Variants in SGSM2 observed in about 807,000 individuals in gnomAD.
SGSM2 encodes small G protein signaling modulator 2.
Under a neutral mutation model 126.6 loss-of-function variants are expected in SGSM2, and 89 were observed. That is an observed-to-expected ratio of 0.70 (90% CI 0.59 to 0.84). The LOEUF (loss-of-function observed/expected upper bound fraction) is 0.84. Ranked by LOEUF, SGSM2 falls within the 40% of genes least tolerant of loss-of-function variation. The pLI is 0.00. For synonymous variants in SGSM2, 614 were observed against 574.3 expected (o/e 1.07, Z -0.99); for missense variants, 1,404 against 1,416.6 (o/e 0.99, Z 0.14).
At position 2,367,373 on chromosome 17, in the gene SGSM2, C is replaced by T. The variant is rs535344678; in HGVS notation, c.1391C>T (p.Ser464Leu). The T allele has an allele frequency of 7.4e-6, 12 of 1,614,128 alleles. No homozygotes were observed. In the East Asian group the frequency reaches 8.9e-5, roughly 12 times the overall value. ...CACGCGATGCTCTCAATGATCTGCT[C>T]GCGGAACCTCACAGCTCCCAATCCG... ...KLHAMLSMIC[S>L]RNLTAPNPMK... is the part of the protein sequence containing the mutation. Residue 464 changes from serine to leucine, a missense_variant, in exon 12 of 24, where the codon TCG (serine) becomes TTG (leucine). By Grantham distance (145) the Ser-to-Leu change is moderately radical (BLOSUM62 -2). Transcript: ENST00000268989. The surrounding 1 kb of genome is among the most constrained non-coding windows in gnomAD (Gnocchi z 4.0).
At chr17:2,360,203 A>G (rs2065254747) in intron 2 of SGSM2, among the ~76,000 whole-genome samples, 1 of 152,130 alleles carries the variant, frequency 6.6e-6, no homozygotes, top group Non-Finnish European at 1.5e-5. Context: ...TTAGCTGGGC[A>G]TGGTGGTGTG....
chr17:2,365,725 G>A (rs1434109914), intron 11 of SGSM2, among the ~76,000 whole-genome samples: 1 of 151,802 alleles, frequency 6.6e-6, no homozygotes, highest in East Asian at 1.9e-4. Context: ...AGACAGCCTG[G>A]GTATGGGACC....
rs1288422212 is a variant in SGSM2, at chr17:2,372,958, C to T, written c.1794C>T (p.Tyr598=). The T allele has an allele frequency of 1.3e-6, 2 of 1,564,252 alleles. No homozygotes were observed. The highest frequency in any genetic ancestry group is 1.9e-5 in the Admixed American group (1 of 52,668). ...WSKYQKDKKN[Y]KELELLRQVY... The stretch of plus-strand genomic sequence containing the variant: ...TGACTCCCCGGGTCCCTCAGAACTA[C>T]AAAGAGCTGGAGCTGCTGCGGCAAG... The change falls in exon 16 of 24, where the codon TAC becomes TAT. Residue 598 remains tyrosine, a synonymous_variant. Coordinates refer to ENST00000268989, the MANE Select transcript of SGSM2 (RefSeq NM_014853.3). This position sits in a 1 kb window ranked among gnomAD's most constrained non-coding sequence, Gnocchi z 6.0.
At chr17:2,370,772 G>A (rs558048674) in intron 12 of SGSM2, among the ~76,000 whole-genome samples, 2 of 152,212 alleles carry the variant, frequency 1.3e-5, no homozygotes, top group African/African-American at 2.4e-5. Flanking sequence ...TTCCTCGGGG[G>A]CTTTGAACAG....
In SGSM2 at chr17:2,363,066, G is replaced by T. The variant is rs1597357038; in HGVS notation, c.604G>T (p.Val202Phe). The T allele has an allele frequency of 6.2e-7, 1 of 1,613,862 alleles. No homozygotes were observed. The highest frequency in any genetic ancestry group is 8.5e-7 in the Non-Finnish European group (1 of 1,180,026). Reference sequence around the variant, plus strand: ...GACTGACCCCTCTGCTGATGAGCTGGTCCAGCGGCACCGCATCCGGGGTCC... The same window carrying T: ...GACTGACCCCTCTGCTGATGAGCTGTTCCAGCGGCACCGCATCCGGGGTCC... ...YWTDPSADEL[V>F]QRHRIRGPPT... Residue 202 changes from valine to phenylalanine, a missense_variant, in exon 6 of 24, where the codon GTC becomes TTC. Coordinates refer to ENST00000268989, the MANE Select transcript of SGSM2 (RefSeq NM_014853.3). This position sits in a 1 kb window ranked among gnomAD's most constrained non-coding sequence, Gnocchi z 4.2.
rs1157623638 is a variant in SGSM2, at chr17:2,377,921, G to T, written c.2867G>T (p.Cys956Phe). 1 of 1,612,782 alleles carries T rather than the reference G, an allele frequency of 6.2e-7. No homozygotes were observed. Among genetic ancestry groups the T allele is most frequent in the South Asian group, 1.1e-5 (1 of 91,070 alleles). Residue 956 changes from cysteine to phenylalanine, a missense_variant, in exon 22 of 24, where the codon TGT (cysteine) becomes TTT (phenylalanine). Coordinates refer to ENST00000268989, the MANE Select transcript of SGSM2 (RefSeq NM_014853.3). ...QNGDYTHFYF[C>F]YRWFLLDFKR... Reference sequence around the variant, plus strand: ...GGAGACTACACCCACTTCTACTTCTGTTATCGCTGGTTCCTGCTGGATTTT... The same window carrying T: ...GGAGACTACACCCACTTCTACTTCTTTTATCGCTGGTTCCTGCTGGATTTT...
In SGSM2 at chr17:2,378,990, G is replaced by A. The variant is rs750279624; in HGVS notation, c.2900-46G>A. On this transcript the variant is annotated intron_variant, in intron 22 of 23. Transcript: ENST00000268989. ...AGCCTCAATCCCAGCCTCAGCCCCA[G>A]ATATGCGGCTAGGACGGGTGAGCAG... 12 of 1,580,634 alleles carry A rather than the reference G, an allele frequency of 7.6e-6. No individual in the cohort carries two copies. In the South Asian group the frequency reaches 9.1e-5, roughly 12 times the overall value.
chr17:2,377,816 G>C (rs1267145763), intron 21 of SGSM2, 41 bp from the exon 22 acceptor site: 9 of 1,360,282 alleles, frequency 6.6e-6, no homozygotes, highest in Non-Finnish European at 9.4e-6. Context: ...GGCAGCATCG[G>C]CTCAGGGCTC....
rs1436067175 is a variant in SGSM2, at chr17:2,373,340, G to A, written c.1927G>A (p.Val643Met). Residue 643 changes from valine (V) to methionine (M), a missense_variant, in exon 17 of 24, where the codon GTG becomes ATG. Coordinates refer to ENST00000268989, the MANE Select transcript of SGSM2 (RefSeq NM_014853.3). Reference sequence around the variant, plus strand: ...TGTGGTCTGAGTACAGGTGGACGCAGTGGTGGCAGCAAGGTACCAGCAGGT... The same window carrying A: ...TGTGGTCTGAGTACAGGTGGACGCAATGGTGGCAGCAAGGTACCAGCAGGT... ...SKKEMEQVDA[V>M]VAARYQQVLA... is the part of the protein sequence containing the mutation. 6.2e-7 allele frequency: 1 copy of A among 1,612,508 alleles called. No individual in the cohort carries two copies. The highest frequency in any genetic ancestry group is 2.2e-5 in the East Asian group (1 of 44,812).
rs370114544 is a variant in SGSM2 at position 2,372,232 on chromosome 17, C to T, written c.1620C>T (p.Ile540=). Residue 540 remains isoleucine (I), a synonymous_variant, in exon 14 of 24, where the codon ATC becomes ATT. Coordinates refer to ENST00000268989, the MANE Select transcript of SGSM2 (RefSeq NM_014853.3). This position sits in a 1 kb window ranked among gnomAD's most constrained non-coding sequence, Gnocchi z 6.0. ...TGTGTGAGAGTATGAAGAGGCAGAT[C>T]GTGTCCCGGGCCTTCTACGGCTGTG... The part of the protein sequence containing the change: ...RLLCESMKRQ[I]VSRAFYGWLA... The T allele has an allele frequency of 4.5e-5, 73 of 1,613,082 alleles. No individual in the cohort carries two copies. The highest frequency in any genetic ancestry group is 3.3e-4 in the South Asian group (30 of 91,088).
At chr17:2,374,553 G>C (rs2066035448) in intron 17 of SGSM2, 1 of 152,014 alleles carries the variant, frequency 6.6e-6, no homozygotes, top group Non-Finnish European at 1.5e-5. Flanking sequence ...CTCTAGCCTG[G>C]GCCATAGAGT....
intron 17 of SGSM2, chr17:2,374,195 C>T (rs1180423384): frequency 6.6e-6 from 1 of 152,222 alleles, no homozygotes; most frequent in Non-Finnish European, 1.5e-5. Context: ...ATTAATTTTT[C>T]TTTAAAATTG....
intron 2 of SGSM2, 98 bp downstream of exon 2, chr17:2,343,718 A>C: frequency 6.8e-6 from 7 of 1,028,882 alleles, no homozygotes; most frequent in South Asian, 1.4e-5. Context: ...AGTAGCTCTC[A>C]AATCTGGCTG....
In SGSM2 at chr17:2,362,135, C is replaced by T; in HGVS notation, c.323C>T (p.Ala108Val). 1 of 1,613,360 alleles carries T rather than the reference C, an allele frequency of 6.2e-7. No individual in the cohort carries two copies. Among genetic ancestry groups the T allele is most frequent in the Non-Finnish European group, 8.5e-7 (1 of 1,179,844 alleles). Residue 108 changes from alanine to valine, a missense_variant, in exon 4 of 24, where the codon GCC (alanine) becomes GTC (valine). Transcript: ENST00000268989. This position sits in a 1 kb window ranked among gnomAD's most constrained non-coding sequence, Gnocchi z 4.9. ...GRKPSGVSQE[A>V]LRRQGSASGK... ...AAACCCTCAGGGGTCAGCCAGGAGG[C>T]CCTGCGGAGACAGGGCTCAGCCAGC...
At chr17:2,369,415 CCT>C (rs1034684621) in intron 12 of SGSM2, among the ~76,000 whole-genome samples, 1 of 152,140 alleles carries the variant, frequency 6.6e-6, no homozygotes. Context: ...GTTCGCCCAC[CCT>C]GTTTTCTTGC....
chr17:2,370,369 G>A (rs2065811657), intron 12 of SGSM2, among the ~76,000 whole-genome samples: 1 of 152,284 alleles, frequency 6.6e-6, no homozygotes, highest in African/African-American at 2.4e-5. Context: ...CGAGGGTCTT[G>A]AGTTCTGATT....
In SGSM2 at chr17:2,372,888, G is replaced by C. The variant is rs556896440; in HGVS notation, c.1789-65G>C. 1 of 1,533,734 alleles carries C rather than the reference G, an allele frequency of 6.5e-7. No homozygotes were observed. The highest frequency in any genetic ancestry group is 1.4e-5 in the African/African-American group (1 of 72,868). ...CCCCAGCCCATTCTCCGTGGGATGG[G>C]GCTCACCCAGCTGGGCCACGGTGAC... On this transcript the variant is annotated intron_variant, in intron 15 of 23. Coordinates refer to ENST00000268989, the MANE Select transcript of SGSM2 (RefSeq NM_014853.3). The surrounding 1 kb of genome is among the most constrained non-coding windows in gnomAD (Gnocchi z 6.0).
At position 2,372,163 on chromosome 17, in the gene SGSM2, C is replaced by T; in HGVS notation, c.1578-27C>T. 6.2e-7 allele frequency: 1 copy of T among 1,612,826 alleles called. No homozygotes were observed. On this transcript the variant is annotated intron_variant, in intron 13 of 23. Transcript: ENST00000268989. This position sits in a 1 kb window ranked among gnomAD's most constrained non-coding sequence, Gnocchi z 6.0. ...TCCCACCAGAGGGGCCGCAGCCCCT[C>T]CCTGCTGAGCCCGGTTGTTGCCACA...
At position 2,377,019 on chromosome 17, in the gene SGSM2, A is replaced by G. The variant is rs1255402718; in HGVS notation, c.2753A>G (p.Asn918Ser). ...LMKRMSQNFP[N>S]GGAMDTHFAN... Reference sequence around the variant, plus strand: ...AAGAGGATGAGCCAGAACTTCCCCAACGGGGGTGCCATGGACACCCACTTT... The same window carrying G: ...AAGAGGATGAGCCAGAACTTCCCCAGCGGGGGTGCCATGGACACCCACTTT... Residue 918 changes from asparagine to serine, a missense_variant, in exon 21 of 24, where the codon AAC becomes AGC. Asn to Ser is a conservative substitution (Grantham distance 46). Coordinates refer to ENST00000268989, the MANE Select transcript of SGSM2 (RefSeq NM_014853.3). The G allele has an allele frequency of 4.3e-6, 7 of 1,613,696 alleles. No homozygotes were observed. Among genetic ancestry groups the G allele is most frequent in the Non-Finnish European group, 5.9e-6 (7 of 1,179,910 alleles).
Sources: gnomAD v4.1 joint callset for allele counts (sites outside exome capture counted in the v4.1 genomes callset) on GRCh38, gnomAD v4.1.1 for gene constraint, Gnocchi (gnomAD v3.1) non-coding constraint, MANE v1.5 for transcripts, NCBI Gene and HGNC (gene_info 2026-07-23, HGNC 2026-07-21) for gene names.